The following CERS6 variants were observed in gnomAD, a reference collection of about 807,000 sequenced individuals.
CERS6 encodes the protein LAG1 homolog, ceramide synthase 6.
CERS6 carries 26 observed loss-of-function variants against 56.8 expected under a neutral mutation model. That is an observed-to-expected ratio of 0.46 (90% CI 0.34 to 0.63). The LOEUF is 0.63. CERS6 is among the 30% of genes least tolerant of loss of function. The pLI, the probability that CERS6 is intolerant of heterozygous loss-of-function variation, is 0.01. For synonymous variants in CERS6, 164 were observed against 173.3 expected (o/e 0.95, Z 0.42); for missense variants, 415 against 467.5 (o/e 0.89, Z 1.04).
At chr2:168,481,642 A>C (rs921442676) in intron 1 of CERS6, among the ~76,000 whole-genome samples, 1 of 152,230 alleles carries the variant, frequency 6.6e-6, no homozygotes, top group Non-Finnish European at 1.5e-5. Flanking sequence ...TTAGAATATC[A>C]TAAAGCTCTT....
At chr2:168,657,512 G>A (rs188961362) in intron 4 of CERS6, among the ~76,000 whole-genome samples, 328 of 152,330 alleles carry the variant, frequency 2.2e-3, no homozygotes, top group African/African-American at 6.8e-3. Context: ...GGGGAGGCTC[G>A]GGCCACACAG....
At chr2:168,725,079 G>A (rs1006860700) in intron 8 of CERS6, among the ~76,000 whole-genome samples, 9 of 152,360 alleles carry the variant, frequency 5.9e-5, no homozygotes, top group East Asian at 3.9e-4. Context: ...GAAATCGAGC[G>A]CAGCGCCAGT....
At chr2:168,667,599 T>C (rs552851652) in intron 4 of CERS6, among the ~76,000 whole-genome samples, 4 of 152,294 alleles carry the variant, frequency 2.6e-5, no homozygotes, top group African/African-American at 7.2e-5. Context: ...TTTTTAAATA[T>C]GTTCTCTCTA....
intron 1 of CERS6, among the ~76,000 whole-genome samples, chr2:168,506,655 A>G (rs1172639400): frequency 2.0e-5 from 3 of 152,204 alleles, no homozygotes; most frequent in Non-Finnish European, 4.4e-5. Flanking sequence ...TTCTGATGCT[A>G]TTAACCAAAT....
intron 9 of CERS6, among the ~76,000 whole-genome samples, chr2:168,767,065 T>A (rs1684748594): frequency 6.6e-6 from 1 of 152,252 alleles, no homozygotes; most frequent in African/African-American, 2.4e-5. Context: ...ATGATAACAA[T>A]AACTAAATAT....
intron 4 of CERS6, among the ~76,000 whole-genome samples, chr2:168,656,210 G>A (rs1362834240): frequency 6.6e-6 from 1 of 152,200 alleles, no homozygotes; most frequent in Non-Finnish European, 1.5e-5. Flanking sequence ...CCTTTATAGG[G>A]GGTTAATGTG....
chr2:168,731,351 A>AT (rs201090706), intron 8 of CERS6, among the ~76,000 whole-genome samples: 2,685 of 152,228 alleles, frequency 0.018, 65 homozygotes, highest in Middle Eastern at 0.068. Context: ...ATAGTAAAAT[A>AT]TTTTTCAGTG....
chr2:168,635,716 T>G (rs1362439537), intron 4 of CERS6, among the ~76,000 whole-genome samples: 2 of 152,222 alleles, frequency 1.3e-5, no homozygotes, highest in East Asian at 1.9e-4. Flanking sequence ...CATGACTAAC[T>G]GCTGGGTGAA....
intron 4 of CERS6, among the ~76,000 whole-genome samples, chr2:168,655,588 G>A (rs1417455386): frequency 2.0e-5 from 3 of 152,202 alleles, no homozygotes; most frequent in Non-Finnish European, 2.9e-5. Flanking sequence ...TGGACCTGGA[G>A]GGCATTATCC....
chr2:168,729,485 G>T (rs1386001835), intron 8 of CERS6, among the ~76,000 whole-genome samples: 1 of 152,146 alleles, frequency 6.6e-6, no homozygotes, highest in Non-Finnish European at 1.5e-5. Context: ...TCCATGCTGA[G>T]CTTCCTCCCA....
At position 168,772,391 on chromosome 2, in the gene CERS6, G is replaced by T. The variant is rs1456570261; in HGVS notation, c.*2729G>T. 2.6e-5 allele frequency: 4 copies of T among 152,542 alleles called. No homozygotes were observed. Among genetic ancestry groups the T allele is most frequent in the Non-Finnish European group, 4.4e-5 (3 of 68,022 alleles). 9.4% of individuals were successfully genotyped at this position (152,542 alleles called of 1,614,324 possible). ...AGAATTTGGCCTCAGGTCAATAAATGATATAAAAACATGTGTTCTATTTAT... is the reference window on the plus strand; with the variant it reads ...AGAATTTGGCCTCAGGTCAATAAATTATATAAAAACATGTGTTCTATTTAT... On this transcript the variant is annotated 3_prime_UTR_variant, in exon 10 of 10. Transcript: ENST00000305747.
chr2:168,478,708 T>C (rs1694123421), intron 1 of CERS6, among the ~76,000 whole-genome samples: 1 of 152,242 alleles, frequency 6.6e-6, no homozygotes, highest in African/African-American at 2.4e-5. Flanking sequence ...TCACTGGAGC[T>C]GGTTAGGCTT....
intron 1 of CERS6, among the ~76,000 whole-genome samples, chr2:168,533,139 G>T (rs1695197337): frequency 6.6e-6 from 1 of 152,176 alleles, no homozygotes; most frequent in South Asian, 2.1e-4. Context: ...TACTTGTTGT[G>T]TATCTTGCAT....
chr2:168,567,219 C>A (rs1004250323), intron 3 of CERS6, among the ~76,000 whole-genome samples: 1 of 152,088 alleles, frequency 6.6e-6, no homozygotes, highest in Admixed American at 6.5e-5. Context: ...AGAACAACTT[C>A]TGTAATTCAA....
intron 4 of CERS6, among the ~76,000 whole-genome samples, chr2:168,676,789 A>G (rs1384003144): frequency 6.6e-6 from 1 of 152,184 alleles, no homozygotes; most frequent in East Asian, 1.9e-4. Flanking sequence ...TTCTCATTCC[A>G]TCATCTGGAT....
intron 4 of CERS6, among the ~76,000 whole-genome samples, chr2:168,679,866 T>C (rs929695937): frequency 1.3e-5 from 2 of 152,218 alleles, no homozygotes; most frequent in Non-Finnish European, 2.9e-5. Flanking sequence ...CTGATCCACA[T>C]TGTTCTTATT....
At position 168,704,366 on chromosome 2, in the gene CERS6, G is replaced by C. The variant is rs192739143; in HGVS notation, c.609+9315G>C. On this transcript the variant is annotated intron_variant, in intron 6 of 9. Coordinates refer to ENST00000305747, the MANE Select transcript of CERS6 (RefSeq NM_203463.3). ...GTCCCACCTCTCTCAGGAGGTCTTG[G>C]TGGCCCTTGGGAGGTTTGGTCATTC... is the stretch of plus-strand genomic sequence containing the variant. Among the ~76,000 whole-genome samples the C allele has an allele frequency of 2.5e-3, 381 of 152,168 alleles. 1 individual carries two copies. The highest frequency in any genetic ancestry group is 8.6e-3 in the African/African-American group (357 of 41,488).
intron 1 of CERS6, among the ~76,000 whole-genome samples, chr2:168,542,961 C>T (rs1047011343): frequency 2.6e-5 from 4 of 152,088 alleles, no homozygotes; most frequent in Admixed American, 1.3e-4. Flanking sequence ...CCTCCCAACA[C>T]GCTGGGATTA....
rs537170752 is a variant in CERS6, at chr2:168,650,520, C to A, written c.465+19478C>A. Among the ~76,000 whole-genome samples, 6 of 152,284 alleles carry A rather than the reference C, an allele frequency of 3.9e-5. No individual in the cohort carries two copies. In the South Asian group the frequency reaches 1.0e-3, roughly 26 times the overall value. The stretch of plus-strand genomic sequence containing the variant: ...CTGATTCCTTCTTTAAATGAAATAG[C>A]CCAACTCCTGAAGCCTCTAAATTAC... On this transcript the variant is annotated intron_variant, in intron 4 of 9. Transcript: ENST00000305747.
Sources: gnomAD v4.1 joint callset for allele counts (sites outside exome capture counted in the v4.1 genomes callset) on GRCh38, gnomAD v4.1.1 for gene constraint, MANE v1.5 for transcripts, NCBI Gene and HGNC (gene_info 2026-07-23, HGNC 2026-07-21) for gene names.